Variants in MMP26 observed in about 807,000 individuals in gnomAD.
The protein encoded by MMP26 is matrix metallopeptidase 26, also known as matrix metalloproteinase-26.
A neutral mutation model predicts 31.0 loss-of-function variants in MMP26; 33 were observed. The ratio of observed to expected loss-of-function variants is 1.06; its 90% CI spans 0.81 to 1.42. The LOEUF (loss-of-function observed/expected upper bound fraction) is 1.42. Ranked by LOEUF, MMP26 falls within the 40% of genes most tolerant of loss-of-function variation. The probability of loss-of-function intolerance (pLI) is 0.00; values close to 1 mark genes in which losing one functional copy is unlikely to be tolerated. For synonymous variants in MMP26, 122 were observed against 114.9 expected, an observed-to-expected ratio of 1.06 and a Z score of -0.40; for missense variants, 347 against 316.1, an observed-to-expected ratio of 1.10 and a Z score of -0.74.
chr11:4,776,283 T>C (rs188247804), intron 2 of MMP26, among the ~76,000 whole-genome samples: 1 of 152,312 alleles, frequency 6.6e-6, no homozygotes, highest in East Asian at 1.9e-4. Flanking sequence ...TTTTATATAC[T>C]AATTTCTTCT....
intron 1 of MMP26, chr11:4,709,958 C>A (rs745353244): frequency 2.2e-6 from 1 of 456,894 alleles, no homozygotes; most frequent in Non-Finnish European, 4.4e-6. Flanking sequence ...CCGTCTGTAA[C>A]CCACTGAGAT....
intron 1 of MMP26, among the ~76,000 whole-genome samples, chr11:4,756,235 TTC>T (rs766060659): frequency 7.6e-4 from 116 of 152,062 alleles, no homozygotes; most frequent in South Asian, 1.2e-3. Flanking sequence ...ATTTGAAAAA[TTC>T]TCTCATAATG....
At chr11:4,975,989 G>A (rs1453474946) in intron 2 of MMP26, among the ~76,000 whole-genome samples, 4 of 152,066 alleles carry the variant, frequency 2.6e-5, no homozygotes, top group South Asian at 2.1e-4. Context: ...AAAGTACTTC[G>A]TAATCAGTGA....
chr11:4,966,203 G>A (rs1041622644), intron 2 of MMP26, among the ~76,000 whole-genome samples: 1 of 152,178 alleles, frequency 6.6e-6, no homozygotes, highest in Middle Eastern at 3.2e-3. Flanking sequence ...ATAGGGAAAA[G>A]AGATTAGACT....
chr11:4,834,875 G>A (rs915090563), intron 2 of MMP26, among the ~76,000 whole-genome samples: 6 of 151,886 alleles, frequency 4.0e-5, no homozygotes, highest in African/African-American at 9.7e-5. Context: ...TTTGGACATG[G>A]CAGTGTTTGG....
chr11:4,857,221 TC>T (rs1439778561), intron 2 of MMP26, among the ~76,000 whole-genome samples: 1 of 150,206 alleles, frequency 6.7e-6, no homozygotes, highest in Non-Finnish European at 1.5e-5. Context: ...ATAACTAAGA[TC>T]AGAGCAGAAT....
intron 2 of MMP26, among the ~76,000 whole-genome samples, chr11:4,986,951 C>CTT (rs1327536748): frequency 5.5e-5 from 8 of 144,586 alleles, no homozygotes; most frequent in Non-Finnish European, 9.1e-5. Context: ...CTCTCTCTCT[C>CTT]TCTCTCTCCC....
rs533613220 is a variant in MMP26, at chr11:4,747,056, G to A, written c.-216-20214G>A. 2.6e-5 allele frequency among the ~76,000 whole-genome samples: 4 copies of A among 152,300 alleles called. No homozygotes were observed. The East Asian group carries it at 7.7e-4, about 29-fold the overall frequency. Reference sequence around the variant, plus strand: ...CCCAGGTCATTGATCCTGGCAATAAGCTAGAGTAATTGCGGTAGGGTTCTT... The same window carrying A: ...CCCAGGTCATTGATCCTGGCAATAAACTAGAGTAATTGCGGTAGGGTTCTT... On this transcript the variant is annotated intron_variant, in intron 1 of 7. Coordinates refer to ENST00000380390, the MANE Select transcript of MMP26 (RefSeq NM_021801.5).
chr11:4,913,619 C>G (rs1851026255), intron 2 of MMP26: 1 of 152,160 alleles, frequency 6.6e-6, no homozygotes. Context: ...TCCTTGGTTC[C>G]TTGGCTTATA....
intron 2 of MMP26, among the ~76,000 whole-genome samples, chr11:4,873,511 T>C (rs909198755): frequency 1.3e-5 from 2 of 152,076 alleles, no homozygotes; most frequent in African/African-American, 2.4e-5. Flanking sequence ...AATGTTGCAA[T>C]AAACTGCCTG....
chr11:4,934,688 C>T lies in MMP26; in HGVS notation c.-144-53380C>T, dbSNP rs1197265179. Among the ~76,000 whole-genome samples the T allele has an allele frequency of 6.2e-5, 9 of 145,926 alleles. No individual in the cohort carries two copies. In the South Asian group the frequency reaches 2.0e-3, roughly 32 times the overall value. ...TGAATGGTAATGCCTAGGTTTTCTT[C>T]TAGGGTTTTTATGGTTTTAGGTCTA... On this transcript the variant is annotated intron_variant, in intron 2 of 7. Transcript: ENST00000380390.
At chr11:4,837,352 C>A (rs1299065085) in intron 2 of MMP26, among the ~76,000 whole-genome samples, 1 of 152,146 alleles carries the variant, frequency 6.6e-6, no homozygotes, top group African/African-American at 2.4e-5. Flanking sequence ...GGACTATAAA[C>A]ACCTGCCACC....
At chr11:4,970,009 C>A (rs9651651) in intron 2 of MMP26, among the ~76,000 whole-genome samples, 1 of 151,860 alleles carries the variant, frequency 6.6e-6, no homozygotes, top group Non-Finnish European at 1.5e-5. Context: ...TTTGGTAATA[C>A]TATTCAGAAG....
At chr11:4,733,893 G>C (rs1022278715) in intron 1 of MMP26, among the ~76,000 whole-genome samples, 2 of 152,066 alleles carry the variant, frequency 1.3e-5, no homozygotes, top group Non-Finnish European at 2.9e-5. Flanking sequence ...AATGATAGTT[G>C]AATCTTGTCA....
chr11:4,815,492 C>A (rs1849408306), intron 2 of MMP26, among the ~76,000 whole-genome samples: 1 of 151,730 alleles, frequency 6.6e-6, no homozygotes, highest in South Asian at 2.1e-4. Flanking sequence ...CCCAGCTTGA[C>A]TTTTTCTTTT....
intron 1 of MMP26, chr11:4,723,253 G>A: frequency 8.3e-7 from 1 of 1,199,964 alleles, no homozygotes; most frequent in South Asian, 1.2e-5. Context: ...TGATGTTCCA[G>A]TTCATCTTGC....
chr11:4,716,650 CT>C (rs71050424), intron 1 of MMP26, among the ~76,000 whole-genome samples: 354 of 65,000 alleles, frequency 5.4e-3, no homozygotes, highest in African/African-American at 0.021. Context: ...TCTCTTACCT[CT>C]TTTTTTTTTT....
chr11:4,855,349 G>C (rs746200721), intron 2 of MMP26, among the ~76,000 whole-genome samples: 2 of 152,238 alleles, frequency 1.3e-5, no homozygotes, highest in South Asian at 4.1e-4. Context: ...TGGCTAACTA[G>C]GATAAACAGC....
intron 5 of MMP26, among the ~76,000 whole-genome samples, chr11:4,991,039 A>C (rs547868755): frequency 1.3e-5 from 2 of 152,290 alleles, no homozygotes; most frequent in Non-Finnish European, 2.9e-5. Context: ...TCAAAGTTGA[A>C]CCAACTTACT....
Sources: allele counts gnomAD v4.1 joint callset (sites outside exome capture counted in the v4.1 genomes callset), GRCh38; gene constraint gnomAD v4.1.1; transcripts MANE v1.5; gene names NCBI Gene and HGNC (gene_info 2026-07-23, HGNC 2026-07-21).